The following LRFN5 variants were observed in gnomAD, a reference collection of about 807,000 sequenced individuals.
LRFN5 encodes leucine-rich repeat and fibronectin type-III domain-containing protein 5.
In LRFN5, 24 loss-of-function variants were observed where a neutral mutation model predicts 45.6. The observed-to-expected ratio is 0.53, with a 90% confidence interval of 0.38 to 0.74. The LOEUF is 0.74. LRFN5 is among the 30% of genes least tolerant of loss of function. The pLI is 0.00. For synonymous variants in LRFN5, 340 were observed against 313.8 expected, an observed-to-expected ratio of 1.08 and a Z score of -0.88; for missense variants, 776 against 861.5, an observed-to-expected ratio of 0.90 and a Z score of 1.24.
At chr14:41,865,468 C>T (rs193025232) in intron 2 of LRFN5, among the ~76,000 whole-genome samples, 1 of 152,282 alleles carries the variant, frequency 6.6e-6, no homozygotes, top group Non-Finnish European at 1.5e-5. Flanking sequence ...ATCCATTCAT[C>T]AGCCGATAGA....
intron 1 of LRFN5, among the ~76,000 whole-genome samples, chr14:41,683,410 G>C (rs1881989029): frequency 6.6e-6 from 1 of 152,114 alleles, no homozygotes. Context: ...TCTGGAATGA[G>C]ACAAAGATAC....
intron 5 of LRFN5, 82 bp from the exon 6 acceptor site, chr14:41,904,076 G>T: frequency 8.3e-7 from 1 of 1,202,288 alleles, no homozygotes; most frequent in East Asian, 2.5e-5. Context: ...TAGATTGCTA[G>T]CACAATGATC....
chr14:41,647,855 A>G (rs916101335), intron 1 of LRFN5, among the ~76,000 whole-genome samples: 1 of 152,176 alleles, frequency 6.6e-6, no homozygotes, highest in Non-Finnish European at 1.5e-5. Flanking sequence ...GATGGTGGGG[A>G]GTGTGATGAT....
chr14:41,798,549 G>A (rs900276891), intron 2 of LRFN5, among the ~76,000 whole-genome samples: 4 of 151,936 alleles, frequency 2.6e-5, no homozygotes, highest in African/African-American at 9.7e-5. Flanking sequence ...AGAAAGACTA[G>A]CAATTTCCTA....
intron 2 of LRFN5, among the ~76,000 whole-genome samples, chr14:41,865,127 G>T (rs531207236): frequency 6.6e-6 from 1 of 151,822 alleles, no homozygotes. Flanking sequence ...GTGCAATCTA[G>T]TGTTTTTTAG....
intron 1 of LRFN5, among the ~76,000 whole-genome samples, chr14:41,746,940 A>G (rs1166659011): frequency 6.6e-6 from 1 of 151,970 alleles, no homozygotes. Flanking sequence ...AAATTGAGAA[A>G]ATGATTCCAT....
intron 2 of LRFN5, among the ~76,000 whole-genome samples, chr14:41,844,726 A>G (rs1888999694): frequency 6.6e-6 from 1 of 152,148 alleles, no homozygotes; most frequent in Non-Finnish European, 1.5e-5. Flanking sequence ...GTCAGTTTCA[A>G]GCTATTAACA....
chr14:41,787,056 A>G (rs1775966718), intron 2 of LRFN5, among the ~76,000 whole-genome samples: 1 of 152,198 alleles, frequency 6.6e-6, no homozygotes, highest in Non-Finnish European at 1.5e-5. Context: ...CATATGGTGC[A>G]TCTTTAAAGC....
chr14:41,809,156 G>T (rs1046618103), intron 2 of LRFN5, among the ~76,000 whole-genome samples: 1 of 152,082 alleles, frequency 6.6e-6, no homozygotes, highest in Non-Finnish European at 1.5e-5. Flanking sequence ...GTTTTAGAAA[G>T]TAGTGTTTTA....
chr14:41,724,649 T>A (rs892928368), intron 1 of LRFN5, among the ~76,000 whole-genome samples: 1 of 152,116 alleles, frequency 6.6e-6, no homozygotes, highest in African/African-American at 2.4e-5. Flanking sequence ...TTGTGTAATA[T>A]AATAAGTATA....
rs1400612040 is a variant in LRFN5 at position 41,854,297 on chromosome 14, T to G, written c.-20-32309T>G. Among the ~76,000 whole-genome samples, 4 of 149,756 alleles carry G rather than the reference T, an allele frequency of 2.7e-5. No homozygotes were observed. In the Admixed American group the frequency reaches 2.7e-4, roughly 10 times the overall value. On this transcript the variant is annotated intron_variant, in intron 2 of 5. Transcript: ENST00000298119. ...CTGTGTCCCTACAAAGGACATGAAC[T>G]CATCCTTTTTTATGGCTGCATAGTA...
At chr14:41,685,679 A>G (rs1048401026) in intron 1 of LRFN5, among the ~76,000 whole-genome samples, 1 of 152,186 alleles carries the variant, frequency 6.6e-6, no homozygotes. Context: ...AGTTTTCTGC[A>G]TATGGCTAGC....
chr14:41,744,757 A>G (rs767663531), intron 1 of LRFN5, among the ~76,000 whole-genome samples: 13 of 152,194 alleles, frequency 8.5e-5, no homozygotes, highest in Admixed American at 5.2e-4. Context: ...GTAATAGCAG[A>G]TGAAATAAAC....
At chr14:41,874,408 C>T (rs964566651) in intron 2 of LRFN5, among the ~76,000 whole-genome samples, 2 of 152,168 alleles carry the variant, frequency 1.3e-5, no homozygotes, top group Non-Finnish European at 2.9e-5. Flanking sequence ...TTGAGGCAAA[C>T]ATCTTCAGGT....
chr14:41,797,825 A>C (rs1344553278), intron 2 of LRFN5, among the ~76,000 whole-genome samples: 1 of 151,876 alleles, frequency 6.6e-6, no homozygotes, highest in African/African-American at 2.4e-5. Flanking sequence ...TATTTCTTAC[A>C]AGAAAATCTC....
intron 2 of LRFN5, among the ~76,000 whole-genome samples, chr14:41,857,168 ATTAAT>A (rs1271331880): frequency 1.6e-4 from 24 of 152,110 alleles, no homozygotes; most frequent in African/African-American, 5.8e-4. Flanking sequence ...TATTTTCACA[ATTAAT>A]TTAAGTGGAA....
chr14:41,799,906 A>G (rs1566450299), intron 2 of LRFN5, among the ~76,000 whole-genome samples: 1 of 151,834 alleles, frequency 6.6e-6, no homozygotes, highest in Non-Finnish European at 1.5e-5. Flanking sequence ...ATCTCAGGCT[A>G]TGAATTAGAG....
At chr14:41,673,399 C>T (rs1248802284) in intron 1 of LRFN5, among the ~76,000 whole-genome samples, 11 of 142,768 alleles carry the variant, frequency 7.7e-5, no homozygotes, top group African/African-American at 2.6e-4. Flanking sequence ...GGGGCTGACC[C>T]GCCCCCCACC....
intron 1 of LRFN5, among the ~76,000 whole-genome samples, chr14:41,659,382 C>G (rs990670634): frequency 1.3e-5 from 2 of 152,026 alleles, no homozygotes; most frequent in African/African-American, 4.8e-5. Context: ...GACATGAACT[C>G]TTCCTTTTTT....
Sources: gnomAD v4.1 joint callset for allele counts (sites outside exome capture counted in the v4.1 genomes callset) on GRCh38, gnomAD v4.1.1 for gene constraint, MANE v1.5 for transcripts, NCBI Gene and HGNC (gene_info 2026-07-23, HGNC 2026-07-21) for gene names.